The following NTRK3 variants were observed in gnomAD, a reference collection of about 807,000 sequenced individuals.
NTRK3 encodes the protein NT-3 growth factor receptor.
A neutral mutation model predicts 91.7 loss-of-function variants in NTRK3; 24 were observed. That is an observed-to-expected ratio of 0.26 (90% CI 0.19 to 0.37). The LOEUF is 0.37. Ranked by LOEUF, NTRK3 falls within the 10% of genes least tolerant of loss-of-function variation. NTRK3 has a pLI of 1.00. For missense variants in NTRK3, 880 were observed against 1,068.9 expected (o/e 0.82, Z 2.46); for synonymous variants, 483 against 404.0 (o/e 1.20, Z -2.34).
At chr15:88,239,199 C>CCT (rs2052084371) in intron 3 of NTRK3, among the ~76,000 whole-genome samples, 1 of 151,286 alleles carries the variant, frequency 6.6e-6, no homozygotes, top group Admixed American at 6.6e-5. Context: ...GGCCAGAAGC[C>CCT]CTCCAGGCAG....
intron 14 of NTRK3, among the ~76,000 whole-genome samples, chr15:87,967,944 GT>G (rs1363254970): frequency 6.6e-6 from 1 of 152,160 alleles, no homozygotes; most frequent in East Asian, 1.9e-4. Context: ...AGGGACTCAG[GT>G]TTGATTTCAG....
intron 5 of NTRK3, 54 bp downstream of exon 5, chr15:88,183,364 G>GC (rs2046678753): frequency 6.3e-7 from 1 of 1,579,374 alleles, no homozygotes; most frequent in Non-Finnish European, 8.7e-7. Flanking sequence ...CGGTTTCACT[G>GC]CCCCAAGAGT....
intron 14 of NTRK3, among the ~76,000 whole-genome samples, chr15:88,008,530 T>G (rs1164016254): frequency 6.6e-6 from 1 of 151,958 alleles, no homozygotes; most frequent in Non-Finnish European, 1.5e-5. Flanking sequence ...TTCTAAAAGC[T>G]CCCGGTTGAT....
intron 13 of NTRK3, among the ~76,000 whole-genome samples, chr15:88,093,152 C>A (rs557776656): frequency 6.7e-6 from 1 of 149,430 alleles, no homozygotes. Context: ...TTTACCTCAA[C>A]GTAAACATGA....
rs188872178 is a variant in NTRK3 at position 88,189,276 on chromosome 15, A to G, written c.249-4977T>C. On this transcript the variant is annotated intron_variant, in intron 3 of 18. Transcript: ENST00000394480. ...ACTCTTAGTGACTCATAACAGCAAC[A>G]CCAGGTCCCAGAGACCTAGGACCAC... Among the ~76,000 whole-genome samples, 830 of 152,266 alleles carry G rather than the reference A, an allele frequency of 5.5e-3. 7 individuals are homozygous for G. The highest frequency in any genetic ancestry group is 7.8e-3 in the Non-Finnish European group (532 of 68,030).
chr15:87,932,933 A>G (rs1319846250), intron 16 of NTRK3, 79 bp downstream of exon 16: 1 of 1,457,106 alleles, frequency 6.9e-7, no homozygotes, highest in Non-Finnish European at 9.6e-7. Flanking sequence ...AGGGGGTAGT[A>G]TAATTTCTGG....
chr15:88,017,101 G>T (rs938529489), intron 14 of NTRK3, among the ~76,000 whole-genome samples: 1 of 152,068 alleles, frequency 6.6e-6, no homozygotes, highest in African/African-American at 2.4e-5. Flanking sequence ...AAAATGGGAG[G>T]CATTTTAGGT....
intron 13 of NTRK3, among the ~76,000 whole-genome samples, chr15:88,093,603 G>T (rs190537): frequency 1.3e-5 from 2 of 152,192 alleles, no homozygotes; most frequent in Non-Finnish European, 2.9e-5. Flanking sequence ...TTCTGCCATA[G>T]CATACCTGTC....
chr15:88,026,796 C>G (rs1020625527), intron 14 of NTRK3, among the ~76,000 whole-genome samples: 7 of 152,228 alleles, frequency 4.6e-5, no homozygotes, highest in African/African-American at 1.7e-4. Context: ...AAATCTAAAC[C>G]TATTCTAAAA....
intron 10 of NTRK3, among the ~76,000 whole-genome samples, chr15:88,134,037 C>A (rs1380657852): frequency 6.6e-6 from 1 of 152,238 alleles, no homozygotes; most frequent in Non-Finnish European, 1.5e-5. Context: ...AAAACAGATG[C>A]TACATACTGC....
chr15:88,074,405 T>C (rs1160856333), intron 13 of NTRK3, among the ~76,000 whole-genome samples: 3 of 152,228 alleles, frequency 2.0e-5, no homozygotes, highest in Non-Finnish European at 4.4e-5. Flanking sequence ...TTTTTAAGTT[T>C]TATTTCATTT....
chr15:88,226,705 G>A (rs941382396), intron 3 of NTRK3, among the ~76,000 whole-genome samples: 1 of 152,188 alleles, frequency 6.6e-6, no homozygotes, highest in Non-Finnish European at 1.5e-5. Context: ...CTGCCCCTGG[G>A]CCCACACTCA....
At chr15:87,954,287 C>T (rs887220635) in intron 14 of NTRK3, among the ~76,000 whole-genome samples, 6 of 152,138 alleles carry the variant, frequency 3.9e-5, no homozygotes, top group African/African-American at 1.4e-4. Context: ...CAGCTCTTTA[C>T]CCTAGAAACT....
At chr15:88,112,838 A>C (rs1251944332) in intron 13 of NTRK3, among the ~76,000 whole-genome samples, 1 of 152,146 alleles carries the variant, frequency 6.6e-6, no homozygotes, top group African/African-American at 2.4e-5. Context: ...AGCATTGTCC[A>C]ATGCACCTGG....
At chr15:88,169,825 C>T (rs1024563312) in intron 5 of NTRK3, among the ~76,000 whole-genome samples, 1 of 152,186 alleles carries the variant, frequency 6.6e-6, no homozygotes, top group Non-Finnish European at 1.5e-5. Context: ...CCCCAGAAAG[C>T]CTCTTTCAGC....
At chr15:88,021,259 G>C (rs1177169962) in intron 14 of NTRK3, among the ~76,000 whole-genome samples, 3 of 152,218 alleles carry the variant, frequency 2.0e-5, no homozygotes, top group African/African-American at 7.2e-5. Flanking sequence ...AGGGGCTTGA[G>C]AGGAAATGTG....
rs1401376854 is a variant in NTRK3 at position 88,184,295 on chromosome 15, T to A, written c.253A>T (p.Ile85Leu). Residue 85 changes from isoleucine (I) to leucine (L), a missense_variant, in exon 4 of 19, where the codon ATA becomes TTA. By Grantham distance (5) the Ile-to-Leu change is conservative. Coordinates refer to ENST00000394480, the Ensembl canonical transcript of NTRK3. ...GTGTGAAGACTGCGCCAGTTCTCTA[T>A]GTGTCTGCAGGGGAGGAGGAAAGGT... is the stretch of plus-strand genomic sequence containing the variant. 13 of 1,613,898 alleles carry A rather than the reference T, an allele frequency of 8.1e-6. No individual in the cohort carries two copies. The East Asian group carries it at 2.9e-4, about 36-fold the overall frequency.
At chr15:87,882,232 G>C (rs554925617) in intron 17 of NTRK3, among the ~76,000 whole-genome samples, 1 of 152,094 alleles carries the variant, frequency 6.6e-6, no homozygotes, top group Non-Finnish European at 1.5e-5. Flanking sequence ...TTCTAATCAG[G>C]ATAGTTTTGT....
intron 14 of NTRK3, among the ~76,000 whole-genome samples, chr15:87,966,074 T>TCAAACAAACAAACAAA (rs3028147): frequency 6.7e-6 from 1 of 148,456 alleles, no homozygotes; most frequent in Non-Finnish European, 1.5e-5. Flanking sequence ...CAAAACTGTC[T>TCAAACAAACAAACAAA]CAAACAAACA....
Sources: allele counts gnomAD v4.1 joint callset (sites outside exome capture counted in the v4.1 genomes callset), GRCh38; gene constraint gnomAD v4.1.1; transcripts MANE v1.5; gene names NCBI Gene and HGNC (gene_info 2026-07-23, HGNC 2026-07-21).